The following FAM53B variants were observed in gnomAD, a reference collection of about 807,000 sequenced individuals.
FAM53B encodes protein FAM53B.
FAM53B carries 12 observed loss-of-function variants against 32.7 expected under a neutral mutation model. The ratio of observed to expected loss-of-function variants is 0.37; its 90% confidence interval spans 0.24 to 0.59. The LOEUF is 0.59. Among genes scored for constraint, FAM53B ranks in the 20% least tolerant of loss-of-function variants. FAM53B has a pLI of 0.72. For missense variants in FAM53B, 477 were observed against 577.7 expected (o/e 0.83, Z 1.79); for synonymous variants, 234 against 228.7 (o/e 1.02, Z -0.21).
intron 1 of FAM53B, among the ~76,000 whole-genome samples, chr10:124,711,182 C>G (rs968503081): frequency 1.3e-5 from 2 of 152,180 alleles, no homozygotes; most frequent in African/African-American, 4.8e-5. Flanking sequence ...GATGAGCCTC[C>G]AGAGACTCAT....
intron 4 of FAM53B, among the ~76,000 whole-genome samples, chr10:124,657,644 AATGAATGTGAAACTGAC>A (rs1313184118): frequency 6.6e-6 from 1 of 152,256 alleles, no homozygotes; most frequent in Non-Finnish European, 1.5e-5. Flanking sequence ...AGTAAATGTC[AATGAATGTGAAACTGAC>A]ATACTCCTGA....
chr10:124,655,751 G>C (rs1348584050), intron 4 of FAM53B, among the ~76,000 whole-genome samples: 1 of 152,158 alleles, frequency 6.6e-6, no homozygotes, highest in Non-Finnish European at 1.5e-5. Flanking sequence ...CTCATTCCAC[G>C]CAGAAGATCC....
At chr10:124,646,319 A>G (rs1356854704) in intron 4 of FAM53B, among the ~76,000 whole-genome samples, 2 of 152,222 alleles carry the variant, frequency 1.3e-5, no homozygotes, top group African/African-American at 4.8e-5. Flanking sequence ...CGTGGCTTCA[A>G]TACAGATGGG....
chr10:124,736,051 T>G (rs1322457768), intron 1 of FAM53B, among the ~76,000 whole-genome samples: 1 of 152,242 alleles, frequency 6.6e-6, no homozygotes, highest in Non-Finnish European at 1.5e-5. Flanking sequence ...CAGCCGACCA[T>G]GGGCTTTGCA....
At chr10:124,652,755 G>C (rs1949564591) in intron 4 of FAM53B, among the ~76,000 whole-genome samples, 1 of 152,114 alleles carries the variant, frequency 6.6e-6, no homozygotes, top group African/African-American at 2.4e-5. Flanking sequence ...TCCAGTTCGG[G>C]GTCCACTTCC....
Position 124,733,106 on chromosome 10 carries a change from T to C in FAM53B, c.-175+10907A>G, listed in dbSNP as rs1243648369. On this transcript the variant is annotated intron_variant, in intron 1 of 4. Transcript: ENST00000337318. The surrounding 1 kb of genome is among the most constrained non-coding windows in gnomAD (Gnocchi z 4.3). ...AGGTTTACTGTTAAAATCAAAACCA[T>C]CTGTGGCTAACTTACTCACTTTCTT... Among the ~76,000 whole-genome samples the C allele has an allele frequency of 1.3e-5, 2 of 152,222 alleles. No individual in the cohort carries two copies. Among genetic ancestry groups the C allele is most frequent in the Non-Finnish European group, 2.9e-5 (2 of 68,042 alleles).
At chr10:124,630,867 C>T (rs1207968678) in intron 4 of FAM53B, among the ~76,000 whole-genome samples, 2 of 152,230 alleles carry the variant, frequency 1.3e-5, no homozygotes, top group African/African-American at 4.8e-5. Context: ...GTGGTCACCC[C>T]GTTCCAGAAG....
At chr10:124,734,876 AC>A (rs1386690741) in intron 1 of FAM53B, among the ~76,000 whole-genome samples, 1 of 152,216 alleles carries the variant, frequency 6.6e-6, no homozygotes, top group Non-Finnish European at 1.5e-5. Flanking sequence ...AGAGGCCTGC[AC>A]CAACAGAAGC....
chr10:124,627,190 G>T (rs1442877752), intron 4 of FAM53B, among the ~76,000 whole-genome samples: 1 of 152,192 alleles, frequency 6.6e-6, no homozygotes, highest in Non-Finnish European at 1.5e-5. Context: ...GCCACAATGG[G>T]GCGGTGTGTG....
intron 4 of FAM53B, among the ~76,000 whole-genome samples, chr10:124,672,993 T>G (rs1397600855): frequency 6.6e-6 from 1 of 152,114 alleles, no homozygotes; most frequent in Non-Finnish European, 1.5e-5. Context: ...CTAAACAGGG[T>G]AGCTTAAAGA....
At chr10:124,709,381 A>G (rs1949984420) in intron 1 of FAM53B, among the ~76,000 whole-genome samples, 1 of 152,230 alleles carries the variant, frequency 6.6e-6, no homozygotes, top group Non-Finnish European at 1.5e-5. Context: ...TCCCCAGCAG[A>G]GTCCCGACAA....
chr10:124,730,371 G>A (rs1187167789), intron 1 of FAM53B, among the ~76,000 whole-genome samples: 1 of 152,262 alleles, frequency 6.6e-6, no homozygotes, highest in Admixed American at 6.5e-5. Context: ...ACAGGCTGCA[G>A]AGGGGCATGG....
intron 1 of FAM53B, among the ~76,000 whole-genome samples, chr10:124,726,748 G>A (rs149329873): frequency 7.9e-5 from 12 of 152,296 alleles, no homozygotes; most frequent in African/African-American, 2.2e-4. Flanking sequence ...GAAGAAATAC[G>A]AAGAGAACAC....
chr10:124,682,183 G>C lies in FAM53B; in HGVS notation c.330C>G (p.Ser110Arg). 1 of 1,613,716 alleles carries C rather than the reference G, an allele frequency of 6.2e-7. No homozygotes were observed. The highest frequency in any genetic ancestry group is 8.5e-7 in the Non-Finnish European group (1 of 1,179,880). Residue 110 changes from serine (S) to arginine (R), a missense_variant, in exon 4 of 5, where the codon AGC becomes AGG. Physicochemically the swap from Ser to Arg is moderately radical, Grantham distance 110. This residue lies in a region of FAM53B where 312 missense variants were observed against 420.2 expected (regional missense o/e 0.74). Coordinates refer to ENST00000337318, the MANE Select transcript of FAM53B (RefSeq NM_014661.4). The surrounding 1 kb of genome is among the most constrained non-coding windows in gnomAD (Gnocchi z 5.2). Reference sequence around the variant, plus strand: ...AGGACAGTGAGCGGCACTGGCGCTTGCTAGGGGGTGCTGAGGGGTTCCCGT... The same window carrying C: ...AGGACAGTGAGCGGCACTGGCGCTTCCTAGGGGGTGCTGAGGGGTTCCCGT... ...DHNGNPSAPP[S>R]KRQCRSLSFS...
intron 4 of FAM53B, among the ~76,000 whole-genome samples, chr10:124,673,057 T>C (rs1349028587): frequency 9.2e-5 from 14 of 152,204 alleles, no homozygotes; most frequent in Admixed American, 9.2e-4. Flanking sequence ...GTGAGGCCTA[T>C]GACTAGGGTG....
intron 1 of FAM53B, among the ~76,000 whole-genome samples, chr10:124,731,312 A>C (rs1348139558): frequency 1.3e-5 from 2 of 152,206 alleles, no homozygotes; most frequent in Non-Finnish European, 2.9e-5. Flanking sequence ...TTAAGTAGGC[A>C]CTATTATTCC....
chr10:124,624,369 G>A (rs1949331920), intron 4 of FAM53B, among the ~76,000 whole-genome samples: 1 of 152,220 alleles, frequency 6.6e-6, no homozygotes, highest in Admixed American at 6.5e-5. Context: ...TCTCTAGAAG[G>A]GAGTGGTCCT....
chr10:124,693,080 G>C (rs1949845391), intron 3 of FAM53B, among the ~76,000 whole-genome samples: 1 of 152,132 alleles, frequency 6.6e-6, no homozygotes, highest in African/African-American at 2.4e-5. Flanking sequence ...TGATAATTTG[G>C]TGTTTTATCT....
Position 124,628,035 on chromosome 10 carries a change from C to T in FAM53B, c.907-4431G>A, listed in dbSNP as rs10794171. Among the ~76,000 whole-genome samples, 427 of 152,268 alleles carry T rather than the reference C, an allele frequency of 2.8e-3. 1 individual carries two copies. Among genetic ancestry groups the T allele is most frequent in the Non-Finnish European group, 4.6e-3 (310 of 68,008 alleles). ...CTGCCAGGCAGACTGCTACTCACTC[C>T]GTCCAGCCTCAGCCCAACAAGCTCA... On this transcript the variant is annotated intron_variant, in intron 4 of 4. Transcript: ENST00000337318.
Sources: gnomAD v4.1 joint callset for allele counts (sites outside exome capture counted in the v4.1 genomes callset) on GRCh38, gnomAD v4.1.1 for gene constraint, gnomAD v4.1.1 regional missense constraint, Gnocchi (gnomAD v3.1) non-coding constraint, MANE v1.5 for transcripts, NCBI Gene and HGNC (gene_info 2026-07-23, HGNC 2026-07-21) for gene names.